Variants in PSD3 observed in about 807,000 individuals in gnomAD.
The protein encoded by PSD3 is pleckstrin and Sec7 domain containing 3.
In PSD3, 49 loss-of-function variants were observed where a neutral mutation model predicts 105.5. The ratio of observed to expected loss-of-function variants is 0.46; its 90% CI spans 0.37 to 0.59. PSD3 has a LOEUF of 0.59. Among genes scored for constraint, PSD3 ranks in the 20% least tolerant of loss-of-function variants. The pLI, the probability that PSD3 is intolerant of heterozygous loss-of-function variation, is 0.00. For synonymous variants in PSD3, 557 were observed against 457.8 expected (o/e 1.22, Z -2.77); for missense variants, 1,561 against 1,263.8 (o/e 1.24, Z -3.57).
At chr8:18,947,518 C>T (rs561371229) in intron 1 of PSD3, among the ~76,000 whole-genome samples, 1 of 152,170 alleles carries the variant, frequency 6.6e-6, no homozygotes, top group African/African-American at 2.4e-5. Context: ...CGGGGTTCTG[C>T]TGCTCCTCCA....
chr8:18,671,182 C>G (rs1186157398), intron 9 of PSD3, among the ~76,000 whole-genome samples: 1 of 152,160 alleles, frequency 6.6e-6, no homozygotes, highest in Non-Finnish European at 1.5e-5. Context: ...AGATTCACAC[C>G]TGCTTCTACG....
intron 12 of PSD3, among the ~76,000 whole-genome samples, chr8:18,585,315 C>T (rs1028492067): frequency 2.6e-5 from 4 of 152,050 alleles, no homozygotes; most frequent in African/African-American, 7.2e-5. Context: ...TAAAGCCAGT[C>T]ACTTTATTTT....
chr8:18,951,473 T>A (rs889457920), intron 1 of PSD3, among the ~76,000 whole-genome samples: 2 of 151,724 alleles, frequency 1.3e-5, no homozygotes, highest in African/African-American at 2.4e-5. Context: ...CAAAACCCAA[T>A]CCTCTAGGGC....
chr8:18,760,599 C>T (rs1388730213), intron 9 of PSD3, among the ~76,000 whole-genome samples: 1 of 152,176 alleles, frequency 6.6e-6, no homozygotes, highest in Non-Finnish European at 1.5e-5. Flanking sequence ...AATAATATTC[C>T]ACTGTGCATA....
At chr8:18,784,577 A>G (rs746817562) in intron 8 of PSD3, among the ~76,000 whole-genome samples, 4 of 152,174 alleles carry the variant, frequency 2.6e-5, no homozygotes, top group Non-Finnish European at 5.9e-5. Context: ...CTTCTGACCA[A>G]TCAGCTATAA....
At chr8:19,066,120 G>T (rs1341656697) in intron 1 of PSD3, among the ~76,000 whole-genome samples, 1 of 152,190 alleles carries the variant, frequency 6.6e-6, no homozygotes, top group East Asian at 1.9e-4. Flanking sequence ...CCCAATTCAT[G>T]AATTGCTAAT....
chr8:18,781,156 C>T (rs997588749), intron 8 of PSD3, among the ~76,000 whole-genome samples: 3 of 152,154 alleles, frequency 2.0e-5, no homozygotes, highest in South Asian at 2.1e-4. Context: ...TTCTTATTAA[C>T]CCCAGTTCCA....
intron 9 of PSD3, among the ~76,000 whole-genome samples, chr8:18,764,458 A>G (rs560891518): frequency 2.0e-5 from 3 of 152,098 alleles, no homozygotes; most frequent in Admixed American, 1.3e-4. Flanking sequence ...TTTTTTTTTC[A>G]TAATTTCTTG....
chr8:18,887,469 T>C (rs1032368200), intron 2 of PSD3, among the ~76,000 whole-genome samples: 1 of 152,224 alleles, frequency 6.6e-6, no homozygotes, highest in African/African-American at 2.4e-5. Flanking sequence ...TTACAGTACC[T>C]TGTATGTATA....
At chr8:18,649,964 A>C (rs10099594) in intron 10 of PSD3, among the ~76,000 whole-genome samples, 37,903 of 152,118 alleles carry the variant, frequency 0.25, 5,004 homozygotes, top group South Asian at 0.44. Context: ...GTACGGCCTG[A>C]AGACTGTGAG....
intron 1 of PSD3, among the ~76,000 whole-genome samples, chr8:18,945,820 C>G (rs1381173941): frequency 1.3e-5 from 2 of 151,092 alleles, no homozygotes; most frequent in Non-Finnish European, 2.9e-5. Context: ...TACAAAAATA[C>G]AAAAATTAGC....
chr8:18,535,083 G>C lies in PSD3; in HGVS notation c.*660C>G, dbSNP rs577413624. 1.3e-5 allele frequency: 2 copies of C among 152,582 alleles called. No homozygotes were observed. Among genetic ancestry groups the C allele is most frequent in the African/African-American group, 2.4e-5 (1 of 41,438 alleles). The allele number at this position is 152,582 out of a possible 1,614,324, so 9.5% of individuals were successfully genotyped here. On this transcript the variant is annotated 3_prime_UTR_variant, in exon 16 of 16. Coordinates refer to ENST00000327040, the MANE Select transcript of PSD3 (RefSeq NM_015310.4). ...CTCTTTCCCTTGCTTGGCTGAAATG[G>C]AATCAGCACTTCAAGCAAGCTAATG...
intron 1 of PSD3, among the ~76,000 whole-genome samples, chr8:18,994,712 C>G (rs981400675): frequency 6.6e-6 from 1 of 151,514 alleles, no homozygotes; most frequent in South Asian, 2.1e-4. Flanking sequence ...TTTCTTTTTA[C>G]TTTTTTTTAA....
At chr8:18,839,533 G>T (rs186853250) in intron 4 of PSD3, among the ~76,000 whole-genome samples, 4 of 152,072 alleles carry the variant, frequency 2.6e-5, no homozygotes, top group Non-Finnish European at 5.9e-5. Context: ...AAGCCAAGGG[G>T]AATGATGGTT....
At chr8:18,899,765 G>A (rs977634185) in intron 2 of PSD3, among the ~76,000 whole-genome samples, 4 of 152,114 alleles carry the variant, frequency 2.6e-5, no homozygotes, top group African/African-American at 9.7e-5. Flanking sequence ...AAGAGTTCTT[G>A]TTGTTCAGGT....
intron 4 of PSD3, among the ~76,000 whole-genome samples, chr8:18,835,241 T>G (rs1358265088): frequency 6.6e-6 from 1 of 152,154 alleles, no homozygotes; most frequent in Non-Finnish European, 1.5e-5. Context: ...ACCCAAAAAT[T>G]ACTTAAGGGT....
intron 14 of PSD3, among the ~76,000 whole-genome samples, chr8:18,564,976 G>C (rs751006095): frequency 2.6e-5 from 4 of 152,100 alleles, no homozygotes; most frequent in Admixed American, 2.6e-4. Context: ...TAAGAAAAAA[G>C]ACCTAGATAT....
intron 9 of PSD3, among the ~76,000 whole-genome samples, chr8:18,668,998 A>G (rs1028909246): frequency 6.6e-6 from 1 of 152,196 alleles, no homozygotes; most frequent in African/African-American, 2.4e-5. Context: ...CGGCTAAGAA[A>G]ACTTATGATC....
At chr8:18,546,470 A>T (rs1396320110) in intron 15 of PSD3, among the ~76,000 whole-genome samples, 1 of 152,150 alleles carries the variant, frequency 6.6e-6, no homozygotes, top group Non-Finnish European at 1.5e-5. Flanking sequence ...AGACATGCCA[A>T]ATGGGGCTAG....
Sources: allele counts gnomAD v4.1 joint callset (sites outside exome capture counted in the v4.1 genomes callset), GRCh38; gene constraint gnomAD v4.1.1; transcripts MANE v1.5; gene names NCBI Gene and HGNC (gene_info 2026-07-23, HGNC 2026-07-21).